Variants in FOLH1 observed in about 807,000 individuals in gnomAD.
FOLH1 encodes folate hydrolase 1, also known as glutamate carboxypeptidase 2.
FOLH1 carries 54 observed loss-of-function variants against 93.9 expected under a neutral mutation model. The observed-to-expected ratio is 0.57, with a 90% CI of 0.46 to 0.72. The LOEUF is 0.72. Ranked by LOEUF, FOLH1 falls within the 30% of genes least tolerant of loss-of-function variation. The pLI is 0.00. For synonymous variants in FOLH1, 249 were observed against 303.6 expected (o/e 0.82, Z 1.87); for missense variants, 571 against 892.5 (o/e 0.64, Z 4.59).
At chr11:49,153,804 TAC>T in intron 17 of FOLH1, 40 bp downstream of exon 17, 16 of 1,266,634 alleles carry the variant, frequency 1.3e-5, no homozygotes, top group South Asian at 1.9e-5. Flanking sequence ...TATATATATA[TAC>T]ACACACATAC....
intron 9 of FOLH1, among the ~76,000 whole-genome samples, chr11:49,174,119 T>A (rs1455699169): frequency 6.6e-6 from 1 of 152,156 alleles, no homozygotes; most frequent in Non-Finnish European, 1.5e-5. Flanking sequence ...CCATTTCCAA[T>A]GCTTATCATG....
intron 6 of FOLH1, among the ~76,000 whole-genome samples, chr11:49,183,884 C>T (rs1861074538): frequency 6.6e-6 from 1 of 151,784 alleles, no homozygotes; most frequent in Non-Finnish European, 1.5e-5. Flanking sequence ...GAAAGGGGTA[C>T]AAAAGAACTT....
chr11:49,153,503 G>A (rs1452798435), intron 17 of FOLH1, among the ~76,000 whole-genome samples: 2 of 152,026 alleles, frequency 1.3e-5, no homozygotes, highest in Non-Finnish European at 2.9e-5. Context: ...GTTAAGCAGA[G>A]TATTTTGTAA....
At chr11:49,178,672 T>G (rs1246961132) in intron 7 of FOLH1, among the ~76,000 whole-genome samples, 2 of 152,182 alleles carry the variant, frequency 1.3e-5, no homozygotes, top group African/African-American at 4.8e-5. Flanking sequence ...TTTTCTCACT[T>G]TATAAATAAA....
intron 17 of FOLH1, among the ~76,000 whole-genome samples, chr11:49,151,536 C>A (rs1211923553): frequency 1.3e-5 from 2 of 152,182 alleles, no homozygotes; most frequent in Non-Finnish European, 2.9e-5. Context: ...CATGTCTCTT[C>A]CTTAGATTTC....
At chr11:49,151,463 C>T (rs1856510068) in intron 17 of FOLH1, among the ~76,000 whole-genome samples, 1 of 152,138 alleles carries the variant, frequency 6.6e-6, no homozygotes, top group Non-Finnish European at 1.5e-5. Context: ...TCTCTGTATC[C>T]TGTGTTAACG....
Position 49,153,895 on chromosome 11 carries a change from C to T in FOLH1, c.1921G>A (p.Glu641Lys), listed in dbSNP as rs764479615. 3.1e-6 allele frequency: 5 copies of T among 1,605,252 alleles called. No homozygotes were observed. In the African/African-American group the frequency reaches 6.7e-5, roughly 22 times the overall value. ...CTCTCACTGAACTTGGAAGCAATTT[C>T]TGTAAAATTCTTTACTGCAGAAAAA... ...SLFSAVKNFTEIASKFSERLQ... is the reference protein window; with the variant it reads ...SLFSAVKNFTKIASKFSERLQ... The change falls in exon 17 of 19, where the codon GAA becomes AAA. Residue 641 changes from glutamate to lysine, a missense_variant. This residue lies in a region of FOLH1 where 500 missense variants were observed against 822.9 expected (regional missense o/e 0.61). Transcript: ENST00000256999.
chr11:49,184,598 G>GA (rs1292826651), intron 6 of FOLH1, among the ~76,000 whole-genome samples: 2 of 151,468 alleles, frequency 1.3e-5, no homozygotes, highest in South Asian at 4.2e-4. Flanking sequence ...TTTTAAAAAA[G>GA]AAAAAAATCT....
At chr11:49,206,040 C>T (rs1451638994) in intron 2 of FOLH1, 27 bp downstream of exon 2, 1 of 1,589,224 alleles carries the variant, frequency 6.3e-7, no homozygotes, top group Non-Finnish European at 8.6e-7. Flanking sequence ...ACAACTTGTC[C>T]ATATAAACTT....
At chr11:49,194,218 T>A (rs1211330573) in intron 3 of FOLH1, among the ~76,000 whole-genome samples, 5 of 149,254 alleles carry the variant, frequency 3.3e-5, no homozygotes, top group African/African-American at 4.9e-5. Flanking sequence ...TGGAAAGTAA[T>A]GGCTTAGCGT....
intron 1 of FOLH1, among the ~76,000 whole-genome samples, chr11:49,206,533 C>G (rs908031199): frequency 1.3e-5 from 2 of 152,178 alleles, no homozygotes; most frequent in African/African-American, 4.8e-5. Flanking sequence ...GGAGATCCAC[C>G]TTCTACTTTC....
chr11:49,194,891 T>C (rs763856729), intron 3 of FOLH1, among the ~76,000 whole-genome samples: 2 of 151,958 alleles, frequency 1.3e-5, no homozygotes, highest in Non-Finnish European at 2.9e-5. Flanking sequence ...CTCCAAATTA[T>C]ACATAACATA....
intron 3 of FOLH1, among the ~76,000 whole-genome samples, chr11:49,197,147 A>C (rs540575075): frequency 2.0e-5 from 3 of 152,230 alleles, no homozygotes; most frequent in Non-Finnish European, 2.9e-5. Context: ...AATAAAAATC[A>C]ATAAAGGAAC....
chr11:49,177,506 A>G (rs1448639444), intron 7 of FOLH1, among the ~76,000 whole-genome samples: 2 of 152,144 alleles, frequency 1.3e-5, no homozygotes, highest in Non-Finnish European at 2.9e-5. Flanking sequence ...GGGGCAACAG[A>G]GTCCTCAGCA....
intron 12 of FOLH1, among the ~76,000 whole-genome samples, chr11:49,168,178 T>G (rs902436566): frequency 4.6e-5 from 7 of 151,492 alleles, no homozygotes; most frequent in African/African-American, 1.7e-4. Flanking sequence ...AAATAATTAC[T>G]TAATAATGAC....
At chr11:49,184,498 T>A (rs1296536817) in intron 6 of FOLH1, among the ~76,000 whole-genome samples, 2 of 152,196 alleles carry the variant, frequency 1.3e-5, no homozygotes, top group African/African-American at 2.4e-5. Flanking sequence ...TAGGCTAAGC[T>A]GCATTTTTTA....
chr11:49,156,673 A>T (rs1233328682), intron 15 of FOLH1, 44 bp downstream of exon 15: 1 of 1,611,070 alleles, frequency 6.2e-7, no homozygotes, highest in Non-Finnish European at 8.5e-7. Flanking sequence ...TGTTTAGTTA[A>T]AACATATTCA....
At chr11:49,178,010 A>G (rs948657313) in intron 7 of FOLH1, among the ~76,000 whole-genome samples, 13 of 151,910 alleles carry the variant, frequency 8.6e-5, no homozygotes, top group African/African-American at 3.1e-4. Flanking sequence ...GGGGCCAGGC[A>G]TGTACACATA....
chr11:49,199,204 G>GTTTA (rs1358171280), intron 3 of FOLH1, among the ~76,000 whole-genome samples: 1 of 151,996 alleles, frequency 6.6e-6, no homozygotes, highest in African/African-American at 2.4e-5. Flanking sequence ...AGTAATAAAA[G>GTTTA]GACTAAAGGA....
Sources: gnomAD v4.1 joint callset for allele counts (sites outside exome capture counted in the v4.1 genomes callset) on GRCh38, gnomAD v4.1.1 for gene constraint, gnomAD v4.1.1 regional missense constraint, MANE v1.5 for transcripts, NCBI Gene and HGNC (gene_info 2026-07-23, HGNC 2026-07-21) for gene names.